NRSN1: variants seen among roughly 807,000 people sequenced by gnomAD.
NRSN1 encodes neurensin-1.
Under a neutral mutation model 17.3 loss-of-function variants are expected in NRSN1, and 14 were observed. That is an observed-to-expected ratio of 0.81 (90% CI 0.54 to 1.27). The LOEUF is 1.27. NRSN1 is among the 50% of genes most tolerant of loss of function. The pLI is 0.00. For synonymous variants in NRSN1, 79 were observed against 94.2 expected (o/e 0.84, Z 0.93); for missense variants, 209 against 235.9 (o/e 0.89, Z 0.75).
At chr6:24,132,914 A>G (rs1256111067) in intron 2 of NRSN1, among the ~76,000 whole-genome samples, 1 of 152,198 alleles carries the variant, frequency 6.6e-6, no homozygotes, top group African/African-American at 2.4e-5. Flanking sequence ...TGTGTACAGG[A>G]TAATTTAAAA....
intron 3 of NRSN1, among the ~76,000 whole-genome samples, chr6:24,137,961 A>T (rs1283671080): frequency 6.6e-6 from 1 of 152,166 alleles, no homozygotes; most frequent in Non-Finnish European, 1.5e-5. Context: ...GGAGACTGCA[A>T]AGAGTTCCCT....
chr6:24,134,274 G>A, intron 2 of NRSN1, 45 bp from the exon 3 acceptor site: 1 of 1,512,168 alleles, frequency 6.6e-7, no homozygotes. Context: ...TTGATCCTGT[G>A]GCCAAAGCCT....
In NRSN1 at chr6:24,146,167, G is replaced by A; in HGVS notation, c.*221G>A. The A allele has an allele frequency of 1.4e-6, 1 of 707,884 alleles. No homozygotes were observed. The highest frequency in any genetic ancestry group is 2.6e-6 in the Non-Finnish European group (1 of 379,566). The allele number at this position is 707,884 out of a possible 1,614,324, so 43.9% of individuals were successfully genotyped here. On this transcript the variant is annotated 3_prime_UTR_variant, in exon 4 of 4. Coordinates refer to ENST00000378491, the MANE Select transcript of NRSN1 (RefSeq NM_080723.5). ...ACATGCATCCAGCTGCTTAAGATGG[G>A]TGCTTCCTTGTACCCGGCCACCAGA...
intron 1 of NRSN1, among the ~76,000 whole-genome samples, chr6:24,126,992 A>G (rs1327117473): frequency 6.6e-6 from 1 of 152,252 alleles, no homozygotes; most frequent in Non-Finnish European, 1.5e-5. Flanking sequence ...GCGCCACATC[A>G]GGCCAGCCTT....
chr6:24,139,765 T>C lies in NRSN1; in HGVS notation c.189+5249T>C, dbSNP rs60585629. Among the ~76,000 whole-genome samples, 1,417 of 152,260 alleles carry C rather than the reference T, an allele frequency of 9.3e-3. 18 individuals carry two copies. The highest frequency in any genetic ancestry group is 0.03 in the African/African-American group (1,233 of 41,548). ...AATAAGAATAGGTGGAGGTCAAGGA[T>C]AGACTCCTGAACCAGACGTGGTGGT... is the stretch of plus-strand genomic sequence containing the variant. On this transcript the variant is annotated intron_variant, in intron 3 of 3. Coordinates refer to ENST00000378491, the MANE Select transcript of NRSN1 (RefSeq NM_080723.5).
At chr6:24,135,789 G>T (rs1760110396) in intron 3 of NRSN1, among the ~76,000 whole-genome samples, 1 of 152,164 alleles carries the variant, frequency 6.6e-6, no homozygotes, top group African/African-American at 2.4e-5. Context: ...AGATCATCCA[G>T]GAGAAGAGTG....
rs1334754113 is a variant in NRSN1, at chr6:24,145,185, T to C, written c.190-363T>C. On this transcript the variant is annotated intron_variant, in intron 3 of 3. Transcript: ENST00000378491. This position sits in a 1 kb window ranked among gnomAD's most constrained non-coding sequence, Gnocchi z 4.4. ...TTTGGACATATATATTATATAGATC[T>C]TTAGCTATATATAATATATCTTTAG... Among the ~76,000 whole-genome samples, 3 of 141,744 alleles carry C rather than the reference T, an allele frequency of 2.1e-5. No individual in the cohort carries two copies. Among genetic ancestry groups the C allele is most frequent in the Non-Finnish European group, 4.6e-5 (3 of 65,314 alleles). The allele number at this position is 141,744 out of a possible 152,430, so 93.0% of individuals were successfully genotyped here.
intron 3 of NRSN1, among the ~76,000 whole-genome samples, chr6:24,142,478 G>A (rs1256693052): frequency 6.6e-6 from 1 of 151,656 alleles, no homozygotes; most frequent in Non-Finnish European, 1.5e-5. Context: ...TTTTTCCCGA[G>A]ACAGAGTCTC....
intron 3 of NRSN1, among the ~76,000 whole-genome samples, chr6:24,142,669 G>C (rs1760228789): frequency 6.6e-6 from 1 of 152,122 alleles, no homozygotes; most frequent in South Asian, 2.1e-4. Flanking sequence ...ATGTTGGTCA[G>C]GCTTGTCTTG....
intron 3 of NRSN1, among the ~76,000 whole-genome samples, chr6:24,136,692 G>A (rs1020787927): frequency 2.6e-5 from 4 of 152,172 alleles, no homozygotes; most frequent in African/African-American, 9.7e-5. Flanking sequence ...ATAAAACATA[G>A]TTATGGGTTT....
In NRSN1 at chr6:24,146,118, G is replaced by A. The variant is rs1760300050; in HGVS notation, c.*172G>A. The A allele has an allele frequency of 1.3e-6, 1 of 753,002 alleles. No individual in the cohort carries two copies. The highest frequency in any genetic ancestry group is 2.4e-6 in the Non-Finnish European group (1 of 416,336). 46.6% of individuals were successfully genotyped at this position (753,002 alleles called of 1,614,324 possible). ...TCAGTTCAGGCAGCTCTGCTGGAGG[G>A]CGGTGCCATGCCTAAGCCTGTGCAC... On this transcript the variant is annotated 3_prime_UTR_variant, in exon 4 of 4. Transcript: ENST00000378491.
chr6:24,135,894 A>G (rs913464337), intron 3 of NRSN1, among the ~76,000 whole-genome samples: 1 of 152,234 alleles, frequency 6.6e-6, no homozygotes, highest in Non-Finnish European at 1.5e-5. Flanking sequence ...TGAACCTTAG[A>G]TAATGCCTAA....
At position 24,146,120 on chromosome 6, in the gene NRSN1, G is replaced by A. The variant is rs920373115; in HGVS notation, c.*174G>A. The A allele has an allele frequency of 2.0e-5, 15 of 752,736 alleles. No homozygotes were observed. Among genetic ancestry groups the A allele is most frequent in the South Asian group, 7.3e-5 (5 of 68,108 alleles). The allele number at this position is 752,736 out of a possible 1,614,324, so 46.6% of individuals were successfully genotyped here. On this transcript the variant is annotated 3_prime_UTR_variant, in exon 4 of 4. Coordinates refer to ENST00000378491, the MANE Select transcript of NRSN1 (RefSeq NM_080723.5). The stretch of plus-strand genomic sequence containing the variant: ...AGTTCAGGCAGCTCTGCTGGAGGGC[G>A]GTGCCATGCCTAAGCCTGTGCACAT...
intron 3 of NRSN1, among the ~76,000 whole-genome samples, chr6:24,137,068 T>G (rs1263506042): frequency 2.0e-5 from 3 of 152,228 alleles, no homozygotes; most frequent in Non-Finnish European, 4.4e-5. Context: ...TCAATCAAAT[T>G]GCATCTGTAG....
At chr6:24,134,722 G>A (rs2113713422) in intron 3 of NRSN1, among the ~76,000 whole-genome samples, 1 of 152,280 alleles carries the variant, frequency 6.6e-6, no homozygotes, top group African/African-American at 2.4e-5. Flanking sequence ...CTATTGATGA[G>A]CAGATTAAAC....
intron 2 of NRSN1, among the ~76,000 whole-genome samples, chr6:24,128,471 A>G (rs1759983837): frequency 6.6e-6 from 1 of 152,250 alleles, no homozygotes. Flanking sequence ...CACAATCTCT[A>G]CCACTGTTTC....
chr6:24,129,826 G>A (rs558607892), intron 2 of NRSN1: 1 of 152,158 alleles, frequency 6.6e-6, no homozygotes, highest in African/African-American at 2.4e-5. Context: ...TCAGCAAGTA[G>A]AGCATCCTTC....
chr6:24,137,246 G>T (rs936670479), intron 3 of NRSN1, among the ~76,000 whole-genome samples: 18 of 152,306 alleles, frequency 1.2e-4, no homozygotes, highest in Admixed American at 2.0e-4. Context: ...AAAGGAGATT[G>T]AAATCAAATG....
intron 2 of NRSN1, among the ~76,000 whole-genome samples, chr6:24,132,973 T>A (rs1367550492): frequency 1.3e-5 from 2 of 152,218 alleles, no homozygotes; most frequent in South Asian, 4.1e-4. Flanking sequence ...TTTGCTTATA[T>A]GGAGATCAGA....
Sources: gnomAD v4.1 joint callset for allele counts (sites outside exome capture counted in the v4.1 genomes callset) on GRCh38, gnomAD v4.1.1 for gene constraint, Gnocchi (gnomAD v3.1) non-coding constraint, MANE v1.5 for transcripts, NCBI Gene and HGNC (gene_info 2026-07-23, HGNC 2026-07-21) for gene names.